MALRD1: variants seen among roughly 807,000 people sequenced by gnomAD.
The protein encoded by MALRD1 is MAM and LDL receptor class A domain containing 1.
In MALRD1, 247 loss-of-function variants were observed where a neutral mutation model predicts 242.1. That is an observed-to-expected ratio of 1.02 (90% confidence interval 0.92 to 1.13). MALRD1 has a LOEUF of 1.13. Among genes scored for constraint, MALRD1 ranks in the 50% most tolerant of loss-of-function variants. The pLI is 0.00. For synonymous variants in MALRD1, 995 were observed against 866.6 expected, an observed-to-expected ratio of 1.15 and a Z score of -2.60; for missense variants, 2,989 against 2,533.1, an observed-to-expected ratio of 1.18 and a Z score of -3.86.
At chr10:19,256,487 T>C (rs1298128652) in intron 18 of MALRD1, among the ~76,000 whole-genome samples, 2 of 152,102 alleles carry the variant, frequency 1.3e-5, no homozygotes, top group Non-Finnish European at 2.9e-5. Flanking sequence ...TGCATTTTTA[T>C]GTTTGGAGAG....
intron 38 of MALRD1, chr10:19,710,385 T>C (rs903606460): frequency 1.3e-5 from 2 of 152,222 alleles, no homozygotes; most frequent in Admixed American, 6.5e-5. Context: ...ATTTCACGTG[T>C]ATTTCAAAAT....
chr10:19,680,744 T>C (rs1166141757), intron 36 of MALRD1, among the ~76,000 whole-genome samples: 1 of 152,166 alleles, frequency 6.6e-6, no homozygotes, highest in Non-Finnish European at 1.5e-5. Flanking sequence ...TTGGTCTTTG[T>C]ACTTCAGTGT....
intron 29 of MALRD1, among the ~76,000 whole-genome samples, chr10:19,466,630 A>T (rs113003301): frequency 1.3e-5 from 2 of 152,268 alleles, no homozygotes; most frequent in Admixed American, 6.5e-5. Flanking sequence ...TGTTATTACA[A>T]GTTCTTTCCT....
chr10:19,115,315 C>T (rs1836832414), intron 5 of MALRD1, among the ~76,000 whole-genome samples: 1 of 152,092 alleles, frequency 6.6e-6, no homozygotes, highest in South Asian at 2.1e-4. Context: ...TCTAGAGACA[C>T]CCAAGAGGAG....
At chr10:19,560,207 G>A (rs192283558) in intron 32 of MALRD1, among the ~76,000 whole-genome samples, 2 of 152,246 alleles carry the variant, frequency 1.3e-5, no homozygotes, top group East Asian at 1.9e-4. Context: ...GGTGGCTCAC[G>A]CCTATAATCC....
intron 21 of MALRD1, among the ~76,000 whole-genome samples, chr10:19,309,825 G>A (rs1348905647): frequency 6.6e-6 from 1 of 151,432 alleles, no homozygotes; most frequent in East Asian, 1.9e-4. Flanking sequence ...ATTAATTAGG[G>A]CCCAGGCGGG....
chr10:19,077,712 C>T (rs1835360049), intron 2 of MALRD1, among the ~76,000 whole-genome samples: 1 of 151,804 alleles, frequency 6.6e-6, no homozygotes, highest in African/African-American at 2.4e-5. Flanking sequence ...TAACTGATGA[C>T]CTGCTGGAGT....
chr10:19,519,318 C>G (rs189352074), intron 31 of MALRD1, among the ~76,000 whole-genome samples: 2 of 152,046 alleles, frequency 1.3e-5, no homozygotes, highest in Admixed American at 1.3e-4. Flanking sequence ...TCCTATTATG[C>G]CACCAAAACA....
intron 26 of MALRD1, among the ~76,000 whole-genome samples, chr10:19,369,238 TTATA>T (rs1845257621): frequency 6.8e-6 from 1 of 146,496 alleles, no homozygotes; most frequent in South Asian, 2.1e-4. Flanking sequence ...ATAAATATAT[TTATA>T]TTTAAATATA....
intron 21 of MALRD1, among the ~76,000 whole-genome samples, chr10:19,316,720 A>T (rs1177109773): frequency 6.6e-6 from 1 of 151,824 alleles, no homozygotes; most frequent in East Asian, 1.9e-4. Flanking sequence ...ATCTGGACAT[A>T]AAACAGTTGA....
intron 28 of MALRD1, among the ~76,000 whole-genome samples, chr10:19,427,403 C>T (rs986719878): frequency 6.6e-6 from 1 of 152,160 alleles, no homozygotes; most frequent in East Asian, 1.9e-4. Flanking sequence ...CCTGGTGTTT[C>T]AGCAGTTAAA....
chr10:19,386,534 T>C (rs1846083389), intron 26 of MALRD1, among the ~76,000 whole-genome samples: 2 of 152,176 alleles, frequency 1.3e-5, no homozygotes, highest in South Asian at 4.1e-4. Context: ...AGTTAAATTC[T>C]GTTGTAATAT....
intron 36 of MALRD1, among the ~76,000 whole-genome samples, chr10:19,652,704 A>G (rs1840952461): frequency 1.3e-5 from 2 of 152,190 alleles, no homozygotes; most frequent in Admixed American, 6.5e-5. Context: ...AGGAAATTGT[A>G]TACCCTGTGA....
intron 18 of MALRD1, among the ~76,000 whole-genome samples, chr10:19,257,322 C>A (rs1189290663): frequency 1.3e-5 from 2 of 152,054 alleles, no homozygotes; most frequent in Admixed American, 6.6e-5. Flanking sequence ...GATGAGGGAA[C>A]AATTATTTGC....
At chr10:19,426,591 C>G (rs1833911604) in intron 28 of MALRD1, among the ~76,000 whole-genome samples, 1 of 152,110 alleles carries the variant, frequency 6.6e-6, no homozygotes, top group African/African-American at 2.4e-5. Context: ...CATTTGAGGT[C>G]AGGAGTTTGA....
intron 36 of MALRD1, among the ~76,000 whole-genome samples, chr10:19,636,878 G>C (rs1840154512): frequency 7.0e-6 from 1 of 143,004 alleles, no homozygotes; most frequent in Non-Finnish European, 1.5e-5. Context: ...CAGCCTGGGT[G>C]ACAGAGTGAG....
At chr10:19,517,666 C>T (rs1833694396) in intron 31 of MALRD1, among the ~76,000 whole-genome samples, 1 of 152,122 alleles carries the variant, frequency 6.6e-6, no homozygotes, top group South Asian at 2.1e-4. Context: ...GTAACCTTAC[C>T]TATTGGATCC....
chr10:19,120,832 C>T (rs1241476748), intron 5 of MALRD1, among the ~76,000 whole-genome samples: 1 of 152,164 alleles, frequency 6.6e-6, no homozygotes, highest in African/African-American at 2.4e-5. Flanking sequence ...GCAACCCTGC[C>T]TCCCGGGTTC....
intron 26 of MALRD1, among the ~76,000 whole-genome samples, chr10:19,374,936 C>A (rs181931781): frequency 1.9e-4 from 29 of 152,222 alleles, no homozygotes; most frequent in African/African-American, 6.7e-4. Flanking sequence ...AAATCAGAAG[C>A]AAAGGACAGA....
Sources: gnomAD v4.1 joint callset for allele counts (sites outside exome capture counted in the v4.1 genomes callset) on GRCh38, gnomAD v4.1.1 for gene constraint, MANE v1.5 for transcripts, NCBI Gene and HGNC (gene_info 2026-07-23, HGNC 2026-07-21) for gene names.